Variants in CPNE8 observed in about 807,000 individuals in gnomAD.
The protein encoded by CPNE8 is copine 8, also known as copine-8.
CPNE8 carries 45 observed loss-of-function variants against 81.5 expected under a neutral mutation model. The ratio of observed to expected loss-of-function variants is 0.55; its 90% CI spans 0.44 to 0.71. The LOEUF (loss-of-function observed/expected upper bound fraction) is 0.71, where lower values mean the gene tolerates loss of function less well. CPNE8 is among the 30% of genes least tolerant of loss of function. The pLI, the probability that CPNE8 is intolerant of heterozygous loss-of-function variation, is 0.00. For missense variants in CPNE8, 594 were observed against 672.1 expected, an observed-to-expected ratio of 0.88 and a Z score of 1.28; for synonymous variants, 252 against 226.3, an observed-to-expected ratio of 1.11 and a Z score of -1.02.
intron 6 of CPNE8, among the ~76,000 whole-genome samples, chr12:38,801,118 C>A: frequency 1.1e-5 from 1 of 94,218 alleles, no homozygotes. Context: ...CCCAATCTAG[C>A]AAGGCAGGCC....
intron 13 of CPNE8, among the ~76,000 whole-genome samples, chr12:38,718,191 G>A (rs1290307090): frequency 6.6e-6 from 1 of 152,116 alleles, no homozygotes; most frequent in Non-Finnish European, 1.5e-5. Flanking sequence ...AGGGCATAAT[G>A]GCCAGATGGG....
intron 8 of CPNE8, among the ~76,000 whole-genome samples, chr12:38,764,857 A>G (rs191339419): frequency 6.6e-6 from 1 of 152,092 alleles, no homozygotes; most frequent in East Asian, 1.9e-4. Flanking sequence ...TAGATAGATG[A>G]CAGGAAGAGA....
At position 38,902,319 on chromosome 12, in the gene CPNE8, A is replaced by AAGGAAG. The variant is rs1565669970; in HGVS notation, c.98+3117_98+3118insCTTCCT. Among the ~76,000 whole-genome samples, 100 of 41,244 alleles carry AAGGAAG rather than the reference A, an allele frequency of 2.4e-3. 1 individual carries two copies. The highest frequency in any genetic ancestry group is 9.7e-3 in the African/African-American group (83 of 8,588). The allele number at this position is 41,244 out of a possible 152,430, so 27.1% of individuals were successfully genotyped here. ...GGAAAGGAAGGAAGGAAGGAAGGAA[A>AAGGAAG]GAAAGAAAGAAAGAAAGAAAGAAAG... On this transcript the variant is annotated intron_variant, in intron 1 of 19. Transcript: ENST00000331366.
chr12:38,836,961 C>A (rs1025555578), intron 5 of CPNE8, among the ~76,000 whole-genome samples: 1 of 152,138 alleles, frequency 6.6e-6, no homozygotes, highest in African/African-American at 2.4e-5. Flanking sequence ...CTTTCGACAT[C>A]CTTCACCTAC....
chr12:38,731,840 GA>G (rs1473363985), intron 10 of CPNE8, among the ~76,000 whole-genome samples: 2 of 151,834 alleles, frequency 1.3e-5, no homozygotes, highest in East Asian at 3.9e-4. Flanking sequence ...GGTTTAATCA[GA>G]ACACATAAAA....
chr12:38,829,320 C>CTGACAAAATAGAAACTGTTAAAGTTGGCA, intron 6 of CPNE8, 59 bp downstream of exon 6: 1 of 1,228,006 alleles, frequency 8.1e-7, no homozygotes, highest in African/African-American at 1.5e-5. Context: ...CAATTCCAAA[C>CTGACAAAATAGAAACTGTTAAAGTTGGCA]TGACAAAATA....
intron 3 of CPNE8, among the ~76,000 whole-genome samples, chr12:38,862,658 G>A (rs1565652794): frequency 6.6e-6 from 1 of 152,102 alleles, no homozygotes; most frequent in Non-Finnish European, 1.5e-5. Context: ...CAAGAACTTA[G>A]AAGAGAAAGG....
chr12:38,883,087 A>T (rs1020993410), intron 1 of CPNE8, among the ~76,000 whole-genome samples: 1 of 152,206 alleles, frequency 6.6e-6, no homozygotes, highest in Non-Finnish European at 1.5e-5. Flanking sequence ...TGAGCTGGGC[A>T]TTTAAATAAA....
rs183656809 is a variant in CPNE8, at chr12:38,883,631, G to T, written c.99-9120C>A. ...TAGTGATATGTTGCCTTCAATTGCT[G>T]AAGTATGTGAGCTATGCAGCTCTCA... On this transcript the variant is annotated intron_variant, in intron 1 of 19. Transcript: ENST00000331366. 5.3e-5 allele frequency among the ~76,000 whole-genome samples: 8 copies of T among 152,260 alleles called. No homozygotes were observed. The East Asian group carries it at 1.5e-3, about 29-fold the overall frequency.
rs553939388 is a variant in CPNE8 at position 38,894,784 on chromosome 12, C to T, written c.98+10653G>A. 2.0e-5 allele frequency among the ~76,000 whole-genome samples: 3 copies of T among 151,360 alleles called. No homozygotes were observed. In the South Asian group the frequency reaches 6.3e-4, roughly 32 times the overall value. On this transcript the variant is annotated intron_variant, in intron 1 of 19. Transcript: ENST00000331366. The stretch of plus-strand genomic sequence containing the variant: ...TAAAGAAAAATGTTTGTGTTACTTT[C>T]AATTACCAAAAAATCTACAAATAGG...
At chr12:38,684,940 T>A (rs1029054100) in intron 16 of CPNE8, among the ~76,000 whole-genome samples, 2 of 152,214 alleles carry the variant, frequency 1.3e-5, no homozygotes, top group African/African-American at 4.8e-5. Flanking sequence ...CTTCAGAACA[T>A]GTACTTGGAG....
chr12:38,876,490 G>A (rs559777109), intron 1 of CPNE8, among the ~76,000 whole-genome samples: 1 of 152,354 alleles, frequency 6.6e-6, no homozygotes, highest in Admixed American at 6.5e-5. Flanking sequence ...TGGGATTACA[G>A]GCATGAGCCA....
At chr12:38,773,729 C>G (rs942203966) in intron 7 of CPNE8, among the ~76,000 whole-genome samples, 1 of 152,022 alleles carries the variant, frequency 6.6e-6, no homozygotes, top group African/African-American at 2.4e-5. Context: ...ATGCCCAATA[C>G]TTTTAATGTT....
At chr12:38,784,649 C>A (rs1045141269) in intron 6 of CPNE8, among the ~76,000 whole-genome samples, 11 of 152,138 alleles carry the variant, frequency 7.2e-5, no homozygotes, top group Admixed American at 5.2e-4. Context: ...AAACACCACA[C>A]AAAGTGGCTC....
At chr12:38,706,238 A>T (rs826894) in intron 13 of CPNE8, among the ~76,000 whole-genome samples, 11,740 of 152,188 alleles carry the variant, frequency 0.077, 759 homozygotes, top group East Asian at 0.25. Context: ...AACTAAACAG[A>T]TGTTCTTTTT....
chr12:38,758,134 C>T (rs555308822), intron 10 of CPNE8, among the ~76,000 whole-genome samples: 1 of 138,480 alleles, frequency 7.2e-6, no homozygotes. Context: ...TGGCACAAAT[C>T]ATCTGTGAAC....
At chr12:38,663,265 CA>C in intron 19 of CPNE8, among the ~76,000 whole-genome samples, 1 of 151,426 alleles carries the variant, frequency 6.6e-6, no homozygotes, top group Non-Finnish European at 1.5e-5. Flanking sequence ...AATAGCAAAA[CA>C]AAAAACAAAA....
chr12:38,848,538 G>C, intron 4 of CPNE8, 21 bp downstream of exon 4: 2 of 1,551,714 alleles, frequency 1.3e-6, no homozygotes, highest in Non-Finnish European at 1.7e-6. Context: ...TTTTCTAAAC[G>C]CAAGTTTTAG....
At chr12:38,814,992 C>T (rs1031367543) in intron 6 of CPNE8, among the ~76,000 whole-genome samples, 1 of 152,118 alleles carries the variant, frequency 6.6e-6, no homozygotes, top group African/African-American at 2.4e-5. Context: ...ATACTTTCTG[C>T]TTTGGTCACA....
Sources: gnomAD v4.1 joint callset for allele counts (sites outside exome capture counted in the v4.1 genomes callset) on GRCh38, gnomAD v4.1.1 for gene constraint, MANE v1.5 for transcripts, NCBI Gene and HGNC (gene_info 2026-07-23, HGNC 2026-07-21) for gene names.